PRRC2C: variants seen among roughly 807,000 people sequenced by gnomAD.
PRRC2C encodes the protein protein PRRC2C.
Under a neutral mutation model 317.2 loss-of-function variants are expected in PRRC2C, and 72 were observed. The observed-to-expected ratio is 0.23, with a 90% confidence interval of 0.19 to 0.28. The LOEUF is 0.28. Ranked by LOEUF, PRRC2C falls within the 10% of genes least tolerant of loss-of-function variation. PRRC2C has a pLI of 1.00. For synonymous variants in PRRC2C, 1,296 were observed against 1,205.9 expected, an observed-to-expected ratio of 1.07 and a Z score of -1.55; for missense variants, 3,074 against 3,459.7, an observed-to-expected ratio of 0.89 and a Z score of 2.80.
chr1:171,524,775 T>C (rs1456746561), intron 9 of PRRC2C, 46 bp from the exon 10 acceptor site: 6 of 1,499,238 alleles, frequency 4.0e-6, no homozygotes, highest in Non-Finnish European at 5.3e-6. Context: ...TGTGTACTTA[T>C]GATACAGTTG....
At chr1:171,510,618 T>G (rs1323224402) in intron 1 of PRRC2C, 1 of 152,216 alleles carries the variant, frequency 6.6e-6, no homozygotes, top group East Asian at 1.9e-4. Context: ...TAAAATTAAT[T>G]GTATACATTC....
chr1:171,537,883 G>T (rs950269448), intron 15 of PRRC2C, among the ~76,000 whole-genome samples: 3 of 151,694 alleles, frequency 2.0e-5, no homozygotes, highest in Non-Finnish European at 4.4e-5. Context: ...TCTTTGTGGG[G>T]TTTTTTGTTT....
chr1:171,538,584 A>G (rs1677295317), intron 15 of PRRC2C, among the ~76,000 whole-genome samples: 1 of 152,220 alleles, frequency 6.6e-6, no homozygotes. Context: ...ACTGGGACAG[A>G]TAAGCTTACT....
At chr1:171,513,576 T>A (rs1671769846) in intron 3 of PRRC2C, 2 of 379,744 alleles carry the variant, frequency 5.3e-6, no homozygotes, top group African/African-American at 4.2e-5. Flanking sequence ...TCATAGGTGC[T>A]CAAGTAATAA....
At chr1:171,573,872 T>C (rs1440298893) in intron 24 of PRRC2C, among the ~76,000 whole-genome samples, 4 of 151,718 alleles carry the variant, frequency 2.6e-5, no homozygotes, top group Admixed American at 2.0e-4. Flanking sequence ...AGAGACAGGG[T>C]TTCACTATGT....
intron 22 of PRRC2C, 72 bp from the exon 23 acceptor site, chr1:171,568,173 ACT>A: frequency 1.4e-6 from 2 of 1,480,568 alleles, no homozygotes; most frequent in Non-Finnish European, 1.8e-6. Context: ...TGATAGCGAG[ACT>A]CAAAAAAAAG....
At chr1:171,506,284 A>G (rs1026665485) in intron 1 of PRRC2C, among the ~76,000 whole-genome samples, 1 of 152,158 alleles carries the variant, frequency 6.6e-6, no homozygotes, top group Admixed American at 6.5e-5. Context: ...ATGTAGCTCT[A>G]CTGCTTGCAG....
chr1:171,560,434 G>A lies in PRRC2C; in HGVS notation c.6032-584G>A, dbSNP rs181880174. Among the ~76,000 whole-genome samples the A allele has an allele frequency of 2.2e-4, 33 of 152,252 alleles. No homozygotes were observed. The East Asian group carries it at 6.2e-3, about 28-fold the overall frequency. ...AGTTTTGAAAGAAGTTCTACCATAT[G>A]GGTAAACAGTATCACATGCTACAGA... On this transcript the variant is annotated intron_variant, in intron 19 of 34. Coordinates refer to ENST00000647382, the MANE Select transcript of PRRC2C (RefSeq NM_001387844.1).
rs868424256 is a variant in PRRC2C at position 171,532,539 on chromosome 1, C to T, written c.1451C>T (p.Ala484Val). The T allele has an allele frequency of 6.3e-7, 1 of 1,594,884 alleles. No homozygotes were observed. Among genetic ancestry groups the T allele is most frequent in the South Asian group, 1.1e-5 (1 of 87,862 alleles). ...RMEEQRKAAC[A>V]EKLKRLDEKL... is the part of the protein sequence containing the mutation. The stretch of plus-strand genomic sequence containing the variant: ...GAAGAACAAAGGAAGGCAGCTTGTG[C>T]GGAGAAACTGAAACGATTGGATGAG... Residue 484 changes from alanine (A) to valine (V), a missense_variant, in exon 12 of 35, where the codon GCG (alanine) becomes GTG (valine). By Grantham distance (64) the Ala-to-Val change is moderately conservative. Transcript: ENST00000647382.
At position 171,583,893 on chromosome 1, in the gene PRRC2C, A is replaced by C. The variant is rs201967342; in HGVS notation, c.7410-63A>C. 3.3e-4 allele frequency: 471 copies of C among 1,423,272 alleles called. 1 individual carries two copies. Among genetic ancestry groups the C allele is most frequent in the Non-Finnish European group, 4.3e-4 (445 of 1,026,658 alleles). 88.2% of individuals were successfully genotyped at this position (1,423,272 alleles called of 1,614,324 possible). A position where few individuals can be genotyped will look rare whatever the true frequency, so the allele number is the denominator to read the frequency against. ...TGGGTCATTTGGGATTTGCATTCTT[A>C]AGATTTTCAGATTCCAGATGAAATT... On this transcript the variant is annotated intron_variant, in intron 28 of 34. Coordinates refer to ENST00000647382, the MANE Select transcript of PRRC2C (RefSeq NM_001387844.1).
Position 171,566,689 on chromosome 1 carries a change from A to C in PRRC2C, c.6404A>C (p.Gln2135Pro). 6.2e-7 allele frequency: 1 copy of C among 1,613,338 alleles called. No individual in the cohort carries two copies. The highest frequency in any genetic ancestry group is 8.5e-7 in the Non-Finnish European group (1 of 1,179,590). Residue 2135 changes from glutamine to proline, a missense_variant, in exon 22 of 35, where the codon CAG becomes CCG. Transcript: ENST00000647382. ...AATAGAAAAGTAAAAGATGCCCAACAGGTGGAGCCAGAAGGACAAGAGAAA... is the reference window on the plus strand; with the variant it reads ...AATAGAAAAGTAAAAGATGCCCAACCGGTGGAGCCAGAAGGACAAGAGAAA... ...LKNRKVKDAQ[Q>P]VEPEGQEKPS...
At position 171,527,832 on chromosome 1, in the gene PRRC2C, G is replaced by C; in HGVS notation, c.1242G>C (p.Leu414Phe). The change falls in exon 11 of 35, where the codon TTG (leucine) becomes TTC (phenylalanine). Residue 414 changes from leucine to phenylalanine, a missense_variant. Physicochemically the swap from Leu to Phe is conservative, Grantham distance 22. This residue lies in a region of PRRC2C where 1,320 missense variants were observed against 1,395.7 expected (regional missense o/e 0.95). Coordinates refer to ENST00000647382, the MANE Select transcript of PRRC2C (RefSeq NM_001387844.1). ...TSSHLPPPPK[L>F]LAQQHPPPDR... ...CACATCTGCCACCACCTCCAAAGTTGCTTGCACAGCAGGTAAATTTTAAGT... is the reference window on the plus strand; with the variant it reads ...CACATCTGCCACCACCTCCAAAGTTCCTTGCACAGCAGGTAAATTTTAAGT... The C allele has an allele frequency of 6.3e-7, 1 of 1,581,768 alleles. No individual in the cohort carries two copies. The highest frequency in any genetic ancestry group is 8.6e-7 in the Non-Finnish European group (1 of 1,161,998).
intron 1 of PRRC2C, among the ~76,000 whole-genome samples, chr1:171,503,456 G>A (rs1171277213): frequency 2.6e-5 from 4 of 151,842 alleles, no homozygotes; most frequent in African/African-American, 9.7e-5. Context: ...CCCGGGAGGC[G>A]GAGGTTGCTG....
intron 30 of PRRC2C, among the ~76,000 whole-genome samples, chr1:171,586,063 A>ATTTTTTT (rs920423722): frequency 0.36 from 29,278 of 82,334 alleles, 8,886 homozygotes; most frequent in South Asian, 0.45. Flanking sequence ...TCAGGTGTTG[A>ATTTTTTT]TTTTTTTTTT....
intron 28 of PRRC2C, among the ~76,000 whole-genome samples, chr1:171,583,301 T>A (rs1649118871): frequency 1.3e-5 from 2 of 152,052 alleles, no homozygotes; most frequent in African/African-American, 2.4e-5. Flanking sequence ...TTCTGTTTTT[T>A]AATTTTTTAA....
intron 34 of PRRC2C, chr1:171,591,098 C>T (rs1378505184): frequency 1.2e-6 from 1 of 860,388 alleles, no homozygotes; most frequent in Non-Finnish European, 1.4e-6. Flanking sequence ...GCTATCAGAA[C>T]TTAGTGATCA....
intron 5 of PRRC2C, among the ~76,000 whole-genome samples, chr1:171,516,692 G>A (rs995044756): frequency 6.6e-6 from 1 of 152,090 alleles, no homozygotes; most frequent in Non-Finnish European, 1.5e-5. Context: ...AGGAATCCAG[G>A]GTCAGCTTAG....
chr1:171,551,576 A>T (rs1680251416), intron 18 of PRRC2C, among the ~76,000 whole-genome samples: 1 of 152,084 alleles, frequency 6.6e-6, no homozygotes, highest in Non-Finnish European at 1.5e-5. Context: ...GTTTTCTTCT[A>T]GGGTTTTTAT....
chr1:171,589,655 T>C (rs1266683932), intron 34 of PRRC2C, 50 bp downstream of exon 34: 2 of 1,213,642 alleles, frequency 1.6e-6, no homozygotes. Context: ...CTCTGAACCA[T>C]GTCTTAAAAT....
Sources: allele counts gnomAD v4.1 joint callset (sites outside exome capture counted in the v4.1 genomes callset), GRCh38; gene constraint gnomAD v4.1.1; regional missense constraint gnomAD v4.1.1; transcripts MANE v1.5; gene names NCBI Gene and HGNC (gene_info 2026-07-23, HGNC 2026-07-21).